COL19A1: variants seen among roughly 807,000 people sequenced by gnomAD.
COL19A1 encodes the protein collagen type XIX alpha 1 chain, also known as collagen alpha-1(XIX) chain.
In COL19A1, 159 loss-of-function variants were observed where a neutral mutation model predicts 190.2. The observed-to-expected ratio is 0.84, with a 90% CI of 0.73 to 0.95. The LOEUF (loss-of-function observed/expected upper bound fraction) is 0.95. COL19A1 is among the 40% of genes least tolerant of loss of function. The probability of loss-of-function intolerance (pLI) is 0.00; values close to 1 mark genes in which losing one functional copy is unlikely to be tolerated. For synonymous variants in COL19A1, 509 were observed against 458.9 expected (o/e 1.11, Z -1.39); for missense variants, 1,418 against 1,431.9 (o/e 0.99, Z 0.16).
chr6:69,879,610 A>G lies in COL19A1; in HGVS notation c.43A>G (p.Ile15Val), dbSNP rs75692948. The change falls in exon 2 of 51, where the codon ATA becomes GTA. Residue 15 changes from isoleucine to valine, a missense_variant. Physicochemically the swap from Ile to Val is conservative, Grantham distance 29. Transcript: ENST00000620364. ...TTGGAAACTTTGGCTTTGGATGTCAATATTTCTGCTTCCTGCTTCCACTTC... is the reference window on the plus strand; with the variant it reads ...TTGGAAACTTTGGCTTTGGATGTCAGTATTTCTGCTTCCTGCTTCCACTTC... ...GPWKLWLWMS[I>V]FLLPASTSVT... 31 of 1,614,118 alleles carry G rather than the reference A, an allele frequency of 1.9e-5. No homozygotes were observed. In the East Asian group the frequency reaches 3.8e-4, roughly 20 times the overall value.
At chr6:70,202,749 C>T (rs867593206) in intron 49 of COL19A1, among the ~76,000 whole-genome samples, 6 of 152,172 alleles carry the variant, frequency 3.9e-5, no homozygotes, top group South Asian at 2.1e-4. Context: ...CTTGAGGATC[C>T]GCCTTCAGCA....
At chr6:70,007,586 G>A (rs924419974) in intron 11 of COL19A1, among the ~76,000 whole-genome samples, 15 of 151,526 alleles carry the variant, frequency 9.9e-5, no homozygotes, top group Admixed American at 2.6e-4. Context: ...AAGCAGAGAC[G>A]GACAGAAATG....
rs927646116 is a variant in COL19A1 at position 70,138,003 on chromosome 6, G to C, written c.1446+256G>C. On this transcript the variant is annotated intron_variant, in intron 19 of 50. Coordinates refer to ENST00000620364, the MANE Select transcript of COL19A1 (RefSeq NM_001858.6). ...TCAAATGATGAAAGTAAGGCATAAA[G>C]AGGTTAAAAAACTTTGCCCAAAGTC... Among the ~76,000 whole-genome samples, 4 of 152,152 alleles carry C rather than the reference G, an allele frequency of 2.6e-5. No individual in the cohort carries two copies. The East Asian group carries it at 7.7e-4, about 29-fold the overall frequency.
chr6:69,936,577 G>A (rs551827145), intron 7 of COL19A1, among the ~76,000 whole-genome samples: 1 of 151,942 alleles, frequency 6.6e-6, no homozygotes, highest in Admixed American at 6.6e-5. Context: ...TATTTTTCTT[G>A]CATGTTGTCA....
At chr6:70,057,875 C>T (rs1011683963) in intron 14 of COL19A1, among the ~76,000 whole-genome samples, 2 of 152,056 alleles carry the variant, frequency 1.3e-5, no homozygotes, top group African/African-American at 4.8e-5. Flanking sequence ...TGCAAAGAAT[C>T]AGAATCTTAG....
chr6:70,183,059 T>C (rs952779532), intron 44 of COL19A1, among the ~76,000 whole-genome samples: 1 of 151,990 alleles, frequency 6.6e-6, no homozygotes, highest in African/African-American at 2.4e-5. Flanking sequence ...GGGGAGGTGA[T>C]GCTGAAGTTT....
chr6:70,101,144 TCTTTA>T (rs1562173318), intron 15 of COL19A1, among the ~76,000 whole-genome samples: 1 of 152,092 alleles, frequency 6.6e-6, no homozygotes, highest in Admixed American at 6.6e-5. Flanking sequence ...CAACCTAATA[TCTTTA>T]CTTTATAAGT....
At chr6:70,058,816 G>A (rs1261212017) in intron 14 of COL19A1, among the ~76,000 whole-genome samples, 1 of 151,724 alleles carries the variant, frequency 6.6e-6, no homozygotes, top group African/African-American at 2.4e-5. Flanking sequence ...AGAGAAGTGA[G>A]GAAAGTTAAA....
chr6:69,923,962 C>T (rs765059969), intron 4 of COL19A1, among the ~76,000 whole-genome samples: 1 of 152,120 alleles, frequency 6.6e-6, no homozygotes, highest in African/African-American at 2.4e-5. Context: ...AAACACTTTA[C>T]AGAATTTGTC....
intron 16 of COL19A1, among the ~76,000 whole-genome samples, chr6:70,106,150 G>T (rs1416067559): frequency 2.0e-4 from 30 of 152,066 alleles, no homozygotes; most frequent in Admixed American, 2.0e-3. Flanking sequence ...ATCTTGAATT[G>T]AAGGGACTCT....
intron 19 of COL19A1, 146 bp from the exon 20 acceptor site, chr6:70,140,806 CAA>C (rs1347859611): frequency 1.4e-6 from 1 of 723,402 alleles, no homozygotes; most frequent in African/African-American, 1.8e-5. Context: ...CTTTAAGCTG[CAA>C]AGACAGACTG....
intron 4 of COL19A1, among the ~76,000 whole-genome samples, chr6:69,923,149 G>T (rs1041499317): frequency 6.6e-6 from 1 of 152,118 alleles, no homozygotes; most frequent in African/African-American, 2.4e-5. Flanking sequence ...TAAGAACACA[G>T]GCAAAATTTG....
In COL19A1 at chr6:70,154,427, A is replaced by G. The variant is rs185997103; in HGVS notation, c.2080-1700A>G. On this transcript the variant is annotated intron_variant, in intron 31 of 50. Transcript: ENST00000620364. ...AGTGCTGCAATAAACATACGTGTGC[A>G]TGTGTCTTTATAGTAGAATGATTTA... Among the ~76,000 whole-genome samples, 39 of 152,166 alleles carry G rather than the reference A, an allele frequency of 2.6e-4. No homozygotes were observed. The East Asian group carries it at 6.8e-3, about 26-fold the overall frequency.
rs1327668380 is a variant in COL19A1 at position 70,149,638 on chromosome 6, T to C, written c.1894-66T>C. On this transcript the variant is annotated intron_variant, in intron 27 of 50. Coordinates refer to ENST00000620364, the MANE Select transcript of COL19A1 (RefSeq NM_001858.6). The stretch of plus-strand genomic sequence containing the variant: ...GTAAACTACAATGCTTAGTCTTTTA[T>C]GTCACTTGGATAATTTATGGACATT... 3 of 1,588,586 alleles carry C rather than the reference T, an allele frequency of 1.9e-6. No homozygotes were observed. The African/African-American group carries it at 4.1e-5, about 22-fold the overall frequency.
chr6:70,086,465 TTTAATC>T (rs1453014144), intron 15 of COL19A1, among the ~76,000 whole-genome samples: 1 of 152,174 alleles, frequency 6.6e-6, no homozygotes, highest in Non-Finnish European at 1.5e-5. Context: ...AGTATTTCCA[TTTAATC>T]TATGATATTT....
At chr6:69,939,995 A>G (rs1399353144) in intron 9 of COL19A1, among the ~76,000 whole-genome samples, 1 of 151,986 alleles carries the variant, frequency 6.6e-6, no homozygotes, top group African/African-American at 2.4e-5. Flanking sequence ...TCTTTGATTT[A>G]TCAGTTCCTT....
chr6:70,195,738 T>C (rs1049661997), intron 48 of COL19A1, among the ~76,000 whole-genome samples: 11 of 152,218 alleles, frequency 7.2e-5, no homozygotes, highest in Admixed American at 3.9e-4. Flanking sequence ...AGGTAACTTG[T>C]ACTGCCAATT....
intron 14 of COL19A1, among the ~76,000 whole-genome samples, chr6:70,043,686 A>T (rs769826169): frequency 6.6e-6 from 1 of 152,156 alleles, no homozygotes; most frequent in Non-Finnish European, 1.5e-5. Context: ...TTTTCTAAGC[A>T]GTGGTATCAA....
At chr6:69,924,513 G>A (rs149078124) in intron 4 of COL19A1, among the ~76,000 whole-genome samples, 3,503 of 152,176 alleles carry the variant, frequency 0.023, 133 homozygotes, top group African/African-American at 0.078. Context: ...TGATGGACAC[G>A]TGGGTTGGTT....
Sources: allele counts gnomAD v4.1 joint callset (sites outside exome capture counted in the v4.1 genomes callset), GRCh38; gene constraint gnomAD v4.1.1; transcripts MANE v1.5; gene names NCBI Gene and HGNC (gene_info 2026-07-23, HGNC 2026-07-21).